The following MAN1A2 variants were observed in gnomAD, a reference collection of about 807,000 sequenced individuals.
MAN1A2 encodes mannosyl-oligosaccharide 1,2-alpha-mannosidase IB.
A neutral mutation model predicts 75.7 loss-of-function variants in MAN1A2; 26 were observed. The ratio of observed to expected loss-of-function variants is 0.34; its 90% confidence interval spans 0.25 to 0.48. The LOEUF is 0.48. MAN1A2 is among the 20% of genes least tolerant of loss of function. MAN1A2 has a pLI of 0.99. For missense variants in MAN1A2, 562 were observed against 775.5 expected (o/e 0.72, Z 3.27); for synonymous variants, 247 against 264.6 (o/e 0.93, Z 0.65).
intron 3 of MAN1A2, among the ~76,000 whole-genome samples, chr1:117,407,616 A>G (rs540557671): frequency 1.2e-4 from 18 of 152,314 alleles, no homozygotes; most frequent in Admixed American, 5.2e-4. Context: ...TAACTGAGAT[A>G]GGGGCTCCTC....
intron 12 of MAN1A2, among the ~76,000 whole-genome samples, chr1:117,516,464 T>G (rs1328559770): frequency 6.6e-6 from 1 of 152,074 alleles, no homozygotes; most frequent in Non-Finnish European, 1.5e-5. Flanking sequence ...ATAATAGACT[T>G]GAGAGTAGGG....
chr1:117,480,687 C>T (rs1016695876), intron 8 of MAN1A2, among the ~76,000 whole-genome samples: 3 of 151,520 alleles, frequency 2.0e-5, no homozygotes, highest in African/African-American at 7.3e-5. Flanking sequence ...TAACAGTTGC[C>T]CTTGAATTTT....
chr1:117,376,458 G>T (rs1486816283), intron 1 of MAN1A2, among the ~76,000 whole-genome samples: 1 of 152,240 alleles, frequency 6.6e-6, no homozygotes, highest in Admixed American at 6.5e-5. Context: ...TGCTAACGTG[G>T]TACAAAAGGC....
rs1273367410 is a variant in MAN1A2, at chr1:117,372,814, T to TA, written c.302+4342dup. Among the ~76,000 whole-genome samples, 397 of 142,860 alleles carry TA rather than the reference T, an allele frequency of 2.8e-3. 1 individual carries two copies. Among genetic ancestry groups the TA allele is most frequent in the African/African-American group, 4.6e-3 (179 of 39,210 alleles). The allele number at this position is 142,860 out of a possible 152,430, so 93.7% of individuals were successfully genotyped here. A position where few individuals can be genotyped will look rare whatever the true frequency, so the allele number is the denominator to read the frequency against. ...GCATTTATAGATGGGCTTTGTGAGT[T>TA]AAAAAAAAAAAAACCCAGCTTATGA... On this transcript the variant is annotated intron_variant, in intron 1 of 12. Transcript: ENST00000356554.
At chr1:117,369,992 A>G (rs1652904570) in intron 1 of MAN1A2, among the ~76,000 whole-genome samples, 1 of 152,222 alleles carries the variant, frequency 6.6e-6, no homozygotes, top group African/African-American at 2.4e-5. Context: ...TACATTTTGA[A>G]TGGTCTAAAA....
At chr1:117,485,836 A>G (rs76279630) in intron 8 of MAN1A2, among the ~76,000 whole-genome samples, 2 of 152,026 alleles carry the variant, frequency 1.3e-5, no homozygotes, top group Non-Finnish European at 2.9e-5. Flanking sequence ...AACCAGGTCC[A>G]CAGTCCCTCA....
intron 8 of MAN1A2, among the ~76,000 whole-genome samples, chr1:117,480,207 C>T (rs1650450877): frequency 6.6e-6 from 1 of 151,840 alleles, no homozygotes; most frequent in Non-Finnish European, 1.5e-5. Flanking sequence ...TTTCTTTGCA[C>T]ATTTGTTCTC....
chr1:117,407,226 T>C (rs1005982332), intron 3 of MAN1A2, among the ~76,000 whole-genome samples: 1 of 152,130 alleles, frequency 6.6e-6, no homozygotes, highest in Non-Finnish European at 1.5e-5. Flanking sequence ...TAGGAATAGA[T>C]CCATTATTAT....
At position 117,444,467 on chromosome 1, in the gene MAN1A2, T is replaced by C. The variant is rs562170432; in HGVS notation, c.950+2142T>C. Among the ~76,000 whole-genome samples, 4 of 152,152 alleles carry C rather than the reference T, an allele frequency of 2.6e-5. No individual in the cohort carries two copies. The East Asian group carries it at 5.8e-4, about 22-fold the overall frequency. The stretch of plus-strand genomic sequence containing the variant: ...CCTGGATCAAAGGGATATGTATTTT[T>C]AAATTTAATAGATATTGCCAAAATG... On this transcript the variant is annotated intron_variant, in intron 6 of 12. Transcript: ENST00000356554.
intron 8 of MAN1A2, among the ~76,000 whole-genome samples, chr1:117,480,038 A>G (rs777024428): frequency 2.6e-5 from 4 of 151,874 alleles, no homozygotes; most frequent in Admixed American, 2.0e-4. Flanking sequence ...ATGAACATCC[A>G]CTGTTCCCAG....
At chr1:117,429,355 C>T (rs1326190549) in intron 5 of MAN1A2, among the ~76,000 whole-genome samples, 2 of 139,294 alleles carry the variant, frequency 1.4e-5, no homozygotes, top group Non-Finnish European at 3.2e-5. Context: ...GGCAGAGGGG[C>T]TCCTCACTTC....
intron 8 of MAN1A2, among the ~76,000 whole-genome samples, chr1:117,486,766 A>C (rs1222609540): frequency 6.6e-6 from 1 of 152,126 alleles, no homozygotes; most frequent in East Asian, 1.9e-4. Context: ...GTTTCAGAGG[A>C]GATAACTGAG....
chr1:117,374,106 C>T (rs572034210), intron 1 of MAN1A2, among the ~76,000 whole-genome samples: 1 of 152,052 alleles, frequency 6.6e-6, no homozygotes, highest in East Asian at 1.9e-4. Context: ...TTGAGACTAG[C>T]CTGGGCAACA....
At chr1:117,482,830 A>G (rs964867493) in intron 8 of MAN1A2, among the ~76,000 whole-genome samples, 3 of 152,068 alleles carry the variant, frequency 2.0e-5, no homozygotes, top group Non-Finnish European at 4.4e-5. Context: ...TATATCCTGA[A>G]TGGTACTGCC....
chr1:117,487,215 G>A (rs1650735804), intron 8 of MAN1A2, among the ~76,000 whole-genome samples: 2 of 152,050 alleles, frequency 1.3e-5, no homozygotes, highest in African/African-American at 4.8e-5. Context: ...ATTTCAGAAT[G>A]TGATTCAGTA....
At chr1:117,438,438 C>G (rs1054755111) in intron 5 of MAN1A2, among the ~76,000 whole-genome samples, 2 of 151,938 alleles carry the variant, frequency 1.3e-5, no homozygotes, top group Non-Finnish European at 2.9e-5. Flanking sequence ...TACAGTAAGC[C>G]AAAGTTAATT....
chr1:117,435,787 G>A (rs935334677), intron 5 of MAN1A2, among the ~76,000 whole-genome samples: 1 of 152,212 alleles, frequency 6.6e-6, no homozygotes, highest in Non-Finnish European at 1.5e-5. Context: ...GCCTTGCGCG[G>A]TGGCTCATGC....
chr1:117,497,111 A>T (rs1651056425), intron 10 of MAN1A2, 129 bp downstream of exon 10: 3 of 602,616 alleles, frequency 5.0e-6, no homozygotes, highest in Non-Finnish European at 5.5e-6. Context: ...AAGGCAAATC[A>T]TTTTCTTAAG....
rs1031400688 is a variant in MAN1A2 at position 117,525,703 on chromosome 1, T to C, written c.*2746T>C. The C allele has an allele frequency of 2.6e-5, 4 of 151,780 alleles. No individual in the cohort carries two copies. Among genetic ancestry groups the C allele is most frequent in the Non-Finnish European group, 5.9e-5 (4 of 67,808 alleles). 9.4% of individuals were successfully genotyped at this position (151,780 alleles called of 1,614,324 possible). On this transcript the variant is annotated 3_prime_UTR_variant, in exon 13 of 13. Coordinates refer to ENST00000356554, the MANE Select transcript of MAN1A2 (RefSeq NM_006699.5). ...TCCTTCTACATTTATTTCTCTTCATTTTAGAATCACACTTTTTATGTTAAA... is the reference window on the plus strand; with the variant it reads ...TCCTTCTACATTTATTTCTCTTCATCTTAGAATCACACTTTTTATGTTAAA...
Sources: allele counts gnomAD v4.1 joint callset (sites outside exome capture counted in the v4.1 genomes callset), GRCh38; gene constraint gnomAD v4.1.1; transcripts MANE v1.5; gene names NCBI Gene and HGNC (gene_info 2026-07-23, HGNC 2026-07-21).